SASS6: variants seen among roughly 807,000 people sequenced by gnomAD.
SASS6 encodes SAS-6 centriolar assembly protein, also known as spindle assembly abnormal protein 6 homolog.
SASS6 carries 59 observed loss-of-function variants against 94.9 expected under a neutral mutation model. The ratio of observed to expected loss-of-function variants is 0.62; its 90% CI spans 0.50 to 0.77. The LOEUF (loss-of-function observed/expected upper bound fraction) is 0.77, where lower values mean the gene tolerates loss of function less well. SASS6 is among the 30% of genes least tolerant of loss of function. SASS6 has a pLI of 0.00. For synonymous variants in SASS6, 264 were observed against 270.0 expected (o/e 0.98, Z 0.22); for missense variants, 698 against 734.1 (o/e 0.95, Z 0.57).
intron 1 of SASS6, among the ~76,000 whole-genome samples, chr1:100,129,825 G>A (rs540788354): frequency 1.3e-5 from 2 of 152,194 alleles, no homozygotes; most frequent in East Asian, 1.9e-4. Context: ...TCAAATCATG[G>A]GTTCCAAAAT....
intron 12 of SASS6, 136 bp from the exon 13 acceptor site, chr1:100,106,039 A>G: frequency 1.9e-6 from 1 of 527,990 alleles, no homozygotes; most frequent in Non-Finnish European, 3.0e-6. Flanking sequence ...GGAGAGCAAT[A>G]TAGGTTCACC....
Position 100,106,981 on chromosome 1 carries a change from G to GT in SASS6, c.1338dup (p.Gln447ThrfsTer9). ...TTAACTGTAGCTTCTAATTGTTCTT[G>GT]TAATTTGCATACCTGAAATATATCA... On this transcript the variant is annotated frameshift_variant, in exon 12 of 17. Coordinates refer to ENST00000287482, the MANE Select transcript of SASS6 (RefSeq NM_194292.3). LOFTEE classifies it high-confidence loss of function. 1 of 1,395,216 alleles carries GT rather than the reference G, an allele frequency of 7.2e-7. No individual in the cohort carries two copies. Among genetic ancestry groups the GT allele is most frequent in the Non-Finnish European group, 1.0e-6 (1 of 986,434 alleles). The allele number at this position is 1,395,216 out of a possible 1,614,324, so 86.4% of individuals were successfully genotyped here. A position where few individuals can be genotyped will look rare whatever the true frequency, so the allele number is the denominator to read the frequency against.
intron 1 of SASS6, among the ~76,000 whole-genome samples, chr1:100,130,962 T>C (rs1654962068): frequency 2.6e-5 from 4 of 152,144 alleles, no homozygotes; most frequent in Admixed American, 1.3e-4. Flanking sequence ...CTGACCCCTA[T>C]TATACAGATA....
intron 14 of SASS6, among the ~76,000 whole-genome samples, chr1:100,092,007 C>CAAAAAAAAAAAA (rs34503110): frequency 2.0e-5 from 1 of 50,048 alleles, no homozygotes; most frequent in Non-Finnish European, 3.6e-5. Flanking sequence ...GACCCTGTCT[C>CAAAAAAAAAAAA]AAAAAAAAAA....
intron 14 of SASS6, among the ~76,000 whole-genome samples, chr1:100,093,900 C>T (rs1045429800): frequency 6.6e-6 from 1 of 152,116 alleles, no homozygotes; most frequent in African/African-American, 2.4e-5. Flanking sequence ...ACATAGAACT[C>T]TTAAATCAGA....
intron 1 of SASS6, among the ~76,000 whole-genome samples, chr1:100,126,270 T>C (rs571464017): frequency 5.9e-5 from 9 of 152,328 alleles, no homozygotes; most frequent in Admixed American, 4.6e-4. Flanking sequence ...GTAACATCTA[T>C]TGAAAGACAA....
At position 100,110,329 on chromosome 1, in the gene SASS6, A is replaced by G; in HGVS notation, c.824T>C (p.Ile275Thr). The G allele has an allele frequency of 6.3e-7, 1 of 1,592,148 alleles. No homozygotes were observed. The highest frequency in any genetic ancestry group is 8.5e-7 in the Non-Finnish European group (1 of 1,172,010). ...TERKYKGDSTIRELKAKLSGV... is the reference protein window; with the variant it reads ...TERKYKGDSTTRELKAKLSGV... ...AGAAAGTTTTGCTTTAAGTTCTCTA[A>G]TAGTGGAGTCTCCTTTATATTTTCT... Residue 275 changes from isoleucine (I) to threonine (T), a missense_variant, in exon 8 of 17, where the codon ATT becomes ACT. Physicochemically the swap from Ile to Thr is moderately conservative, Grantham distance 89. Coordinates refer to ENST00000287482, the MANE Select transcript of SASS6 (RefSeq NM_194292.3).
chr1:100,122,046 G>C (rs1348416134), intron 4 of SASS6, among the ~76,000 whole-genome samples: 1 of 152,124 alleles, frequency 6.6e-6, no homozygotes, highest in African/African-American at 2.4e-5. Flanking sequence ...AAGGTTGATG[G>C]TGAACTTTAC....
intron 8 of SASS6, among the ~76,000 whole-genome samples, chr1:100,108,869 T>G (rs1653104349): frequency 1.3e-5 from 2 of 152,138 alleles, no homozygotes; most frequent in South Asian, 4.1e-4. Context: ...GTAAATTGCC[T>G]AGCATTTTGG....
At chr1:100,089,081 AGAGT>A (rs1486239474) in intron 14 of SASS6, among the ~76,000 whole-genome samples, 1 of 152,162 alleles carries the variant, frequency 6.6e-6, no homozygotes, top group African/African-American at 2.4e-5. Flanking sequence ...GATATAAAAA[AGAGT>A]GAAAAGAAAA....
chr1:100,093,182 T>TC (rs1271185354), intron 14 of SASS6, among the ~76,000 whole-genome samples: 22 of 136,916 alleles, frequency 1.6e-4, no homozygotes, highest in African/African-American at 4.3e-4. Flanking sequence ...TTCTTTTTTT[T>TC]TTTTTTTTTT....
In SASS6 at chr1:100,132,330, C is replaced by G. The variant is rs552292921; in HGVS notation, c.65+420G>C. 1.4e-4 allele frequency among the ~76,000 whole-genome samples: 22 copies of G among 152,202 alleles called. 1 individual carries two copies. The South Asian group carries it at 2.1e-3, about 14-fold the overall frequency. ...GTTGAACTTTACTGCCAACATACTT[C>G]AAAAGAGAACGAGGGGGAAAGGCTC... is the stretch of plus-strand genomic sequence containing the variant. On this transcript the variant is annotated intron_variant, in intron 1 of 16. Transcript: ENST00000287482.
At chr1:100,131,912 A>G (rs569870809) in intron 1 of SASS6, among the ~76,000 whole-genome samples, 2 of 152,254 alleles carry the variant, frequency 1.3e-5, no homozygotes, top group Non-Finnish European at 2.9e-5. Context: ...TACGCATGTT[A>G]TATCAGTTTT....
intron 12 of SASS6, among the ~76,000 whole-genome samples, chr1:100,106,119 G>A (rs1207973751): frequency 1.3e-5 from 2 of 151,954 alleles, no homozygotes; most frequent in African/African-American, 2.4e-5. Context: ...ATTACTTTCC[G>A]AAGCACATAT....
At chr1:100,086,361 C>T (rs1651260699) in intron 15 of SASS6, among the ~76,000 whole-genome samples, 1 of 152,030 alleles carries the variant, frequency 6.6e-6, no homozygotes, top group Admixed American at 6.6e-5. Flanking sequence ...CCCGGTGCCA[C>T]TTTTTGCTAG....
At chr1:100,105,181 G>A (rs543591312) in intron 13 of SASS6, among the ~76,000 whole-genome samples, 5 of 151,856 alleles carry the variant, frequency 3.3e-5, no homozygotes, top group Non-Finnish European at 7.4e-5. Flanking sequence ...AGTATATTTG[G>A]TATTACTTTA....
At chr1:100,118,914 T>C (rs1653972945) in intron 7 of SASS6, 104 bp downstream of exon 7, 2 of 682,830 alleles carry the variant, frequency 2.9e-6, no homozygotes, top group Non-Finnish European at 4.5e-6. Context: ...TATATACTTC[T>C]GTAACGTTTG....
intron 3 of SASS6, 150 bp downstream of exon 3, chr1:100,123,060 A>C: frequency 2.3e-6 from 1 of 434,902 alleles, no homozygotes; most frequent in South Asian, 4.1e-5. Context: ...TATTTTCCAA[A>C]ACACCCTAAG....
In SASS6 at chr1:100,107,656, A is replaced by G; in HGVS notation, c.1118T>C (p.Ile373Thr). ...QVQLGKLEAT[I>T]KSLSAELLKA... The stretch of plus-strand genomic sequence containing the variant: ...CAGAAGTTCTGCAGATAATGATTTT[A>G]TTGTAGCTTCAAGCTTTCCTAGTTG... Residue 373 changes from isoleucine to threonine, a missense_variant, in exon 10 of 17, where the codon ATA becomes ACA. Transcript: ENST00000287482. The G allele has an allele frequency of 6.2e-7, 1 of 1,604,908 alleles. No individual in the cohort carries two copies. Among genetic ancestry groups the G allele is most frequent in the Non-Finnish European group, 8.5e-7 (1 of 1,175,500 alleles).
Sources: gnomAD v4.1 joint callset for allele counts (sites outside exome capture counted in the v4.1 genomes callset) on GRCh38, gnomAD v4.1.1 for gene constraint, MANE v1.5 for transcripts, NCBI Gene and HGNC (gene_info 2026-07-23, HGNC 2026-07-21) for gene names.